LRRC56: variants seen among roughly 807,000 people sequenced by gnomAD.
LRRC56 encodes the protein leucine rich repeat containing 56.
Under a neutral mutation model 47.8 loss-of-function variants are expected in LRRC56, and 41 were observed. That is an observed-to-expected ratio of 0.86 (90% CI 0.67 to 1.11). The LOEUF (loss-of-function observed/expected upper bound fraction) is 1.11, where lower values mean the gene tolerates loss of function less well. Ranked by LOEUF, LRRC56 falls within the 50% of genes most tolerant of loss-of-function variation. The pLI, the probability that LRRC56 is intolerant of heterozygous loss-of-function variation, is 0.00. For missense variants in LRRC56, 759 were observed against 704.2 expected (o/e 1.08, Z -0.88); for synonymous variants, 387 against 311.2 (o/e 1.24, Z -2.56).
chr11:549,879 C>T, intron 6 of LRRC56, 23 bp from the exon 7 acceptor site: 1 of 1,606,792 alleles, frequency 6.2e-7, no homozygotes, highest in Non-Finnish European at 8.5e-7. Flanking sequence ...CACATGTTGA[C>T]CACCAAACCC....
At chr11:523,143 C>T in the LRRC56 span, among the ~76,000 whole-genome samples, 1 of 152,060 alleles carries the variant, frequency 6.6e-6, no homozygotes, top group African/African-American at 2.4e-5. Flanking sequence ...ATTCTCCCTC[C>T]CCAGCCTCCT....
chr11:527,638 T>C, the LRRC56 span, among the ~76,000 whole-genome samples: 6 of 151,684 alleles, frequency 4.0e-5, no homozygotes, highest in Non-Finnish European at 5.9e-5. Flanking sequence ...TTCACGCCAT[T>C]CTCCTGCCTC....
chr11:532,732 CG>C, upstream of LRRC56: 1 of 1,613,088 alleles, frequency 6.2e-7, no homozygotes. Flanking sequence ...CACGCACCAA[CG>C]TGTAGAAGGC....
At chr11:525,874 G>A in the LRRC56 span, among the ~76,000 whole-genome samples, 903 of 152,072 alleles carry the variant, frequency 5.9e-3, 7 homozygotes, top group African/African-American at 0.021. Flanking sequence ...TCCAGCCTGG[G>A]GGACAGAGCC....
intron 6 of LRRC56, among the ~76,000 whole-genome samples, chr11:547,312 T>C (rs1002676493): frequency 7.4e-6 from 1 of 135,092 alleles, no homozygotes; most frequent in African/African-American, 3.1e-5. Context: ...TGGAGATGGC[T>C]GTACTTTTTT....
the LRRC56 span, among the ~76,000 whole-genome samples, chr11:520,649 G>T: frequency 6.6e-6 from 1 of 151,996 alleles, no homozygotes; most frequent in Non-Finnish European, 1.5e-5. Flanking sequence ...ATACAAACAG[G>T]TTTTTTAAAA....
Position 552,196 on chromosome 11 carries a change from T to C in LRRC56, c.1145T>C (p.Leu382Ser), listed in dbSNP as rs1290354438. The C allele has an allele frequency of 1.2e-6, 2 of 1,612,420 alleles. No individual in the cohort carries two copies. Among genetic ancestry groups the C allele is most frequent in the Non-Finnish European group, 1.7e-6 (2 of 1,179,784 alleles). ...DPADSSDFLA[L>S]AGLRAWREHG... ...GCAGACAGCTCTGACTTCCTGGCCT[T>C]GGCTGGGCTCAGGGCCTGGAGGGAA... Residue 382 changes from leucine (L) to serine (S), a missense_variant, in exon 12 of 14, where the codon TTG becomes TCG. By Grantham distance (145) the Leu-to-Ser change is moderately radical. Coordinates refer to ENST00000270115, the MANE Select transcript of LRRC56 (RefSeq NM_198075.4).
intron 4 of LRRC56, 124 bp downstream of exon 4, chr11:540,985 T>G (rs1851766935): frequency 1.2e-6 from 1 of 868,372 alleles, no homozygotes; most frequent in East Asian, 2.8e-5. Context: ...CTGCTGATGG[T>G]TGGCCTCAGC....
At chr11:512,621 G>A in the LRRC56 span, among the ~76,000 whole-genome samples, 1 of 152,174 alleles carries the variant, frequency 6.6e-6, no homozygotes, top group Non-Finnish European at 1.5e-5. Flanking sequence ...AAGGCCCGGA[G>A]GTTTAAAATC....
In LRRC56 at chr11:554,750, G is replaced by A. The variant is rs141522208; in HGVS notation, c.*474G>A. ...GCCGGGGGTGCGGTCCAGGCCTCCC[G>A]TCTCCGGGGGATCTGTAGGGTTCCC... is the stretch of plus-strand genomic sequence containing the variant. On this transcript the variant is annotated 3_prime_UTR_variant, in exon 14 of 14. Coordinates refer to ENST00000270115, the MANE Select transcript of LRRC56 (RefSeq NM_198075.4). The A allele has an allele frequency of 4.1e-6, 2 of 484,964 alleles. No individual in the cohort carries two copies. The highest frequency in any genetic ancestry group is 7.3e-6 in the Non-Finnish European group (2 of 274,026). 30.0% of individuals were successfully genotyped at this position (484,964 alleles called of 1,614,324 possible).
At chr11:511,774 G>A in the LRRC56 span, among the ~76,000 whole-genome samples, 3 of 152,164 alleles carry the variant, frequency 2.0e-5, no homozygotes, top group Non-Finnish European at 4.4e-5. Flanking sequence ...GATGCTGTGA[G>A]AATTAGACAC....
intron 12 of LRRC56, 133 bp downstream of exon 12, chr11:552,365 G>T: frequency 7.5e-7 from 1 of 1,335,414 alleles, no homozygotes. Flanking sequence ...CCCGTGGGGG[G>T]ATCAGGGCTG....
chr11:512,002 G>A, the LRRC56 span, among the ~76,000 whole-genome samples: 1 of 152,064 alleles, frequency 6.6e-6, no homozygotes, highest in East Asian at 1.9e-4. Context: ...GGAGTGCAGT[G>A]GCGTGATCTC....
Position 554,369 on chromosome 11 carries a change from G to C in LRRC56, c.*93G>C, listed in dbSNP as rs887708973. On this transcript the variant is annotated 3_prime_UTR_variant, in exon 14 of 14. Transcript: ENST00000270115. ...ACAGAATACCTGGGCGGGTGTGTTG[G>C]GGGGTGGAAGGAGTGCCTGGCCCTG... 51 of 1,170,244 alleles carry C rather than the reference G, an allele frequency of 4.4e-5. No homozygotes were observed. The African/African-American group carries it at 4.8e-4, about 11-fold the overall frequency. 72.5% of individuals were successfully genotyped at this position (1,170,244 alleles called of 1,614,324 possible). A position where few individuals can be genotyped will look rare whatever the true frequency, so the allele number is the denominator to read the frequency against.
chr11:509,714 AT>A, the LRRC56 span, among the ~76,000 whole-genome samples: 8,589 of 125,176 alleles, frequency 0.069, 340 homozygotes, highest in East Asian at 0.16. Flanking sequence ...CGCCCGGCTA[AT>A]TTTTTTTTTT....
chr11:513,500 C>T, the LRRC56 span, among the ~76,000 whole-genome samples: 66 of 152,274 alleles, frequency 4.3e-4, no homozygotes, highest in Non-Finnish European at 7.6e-4. Flanking sequence ...GGTGAAGATG[C>T]TCTAAACATT....
the LRRC56 span, among the ~76,000 whole-genome samples, chr11:523,090 G>T: frequency 2.0e-5 from 3 of 152,058 alleles, no homozygotes; most frequent in Non-Finnish European, 4.4e-5. Context: ...GTGCAATGGC[G>T]CCATCTCTGC....
At chr11:533,430 T>C (rs1391525568), upstream of LRRC56, 1 of 1,611,692 alleles carries the variant, frequency 6.2e-7, no homozygotes, top group South Asian at 1.1e-5. Flanking sequence ...CCTGGCTAGC[T>C]GTGGGGTGGA....
intron 5 of LRRC56, among the ~76,000 whole-genome samples, chr11:542,379 G>A (rs1386155193): frequency 3.9e-5 from 6 of 152,080 alleles, no homozygotes; most frequent in Non-Finnish European, 7.4e-5. Context: ...GGGAGTCCAA[G>A]GTGGATGGAT....
Sources: allele counts gnomAD v4.1 joint callset (sites outside exome capture counted in the v4.1 genomes callset), GRCh38; gene constraint gnomAD v4.1.1; transcripts MANE v1.5; gene names NCBI Gene and HGNC (gene_info 2026-07-23, HGNC 2026-07-21).